The following UMAD1 variants were observed in gnomAD, a reference collection of about 807,000 sequenced individuals.
UMAD1 encodes UBAP1-MVB12-associated (UMA)-domain containing protein 1.
Under a neutral mutation model 6.1 loss-of-function variants are expected in UMAD1, and 8 were observed. The observed-to-expected ratio is 1.30, with a 90% CI of 0.76 to 2.35. The LOEUF (loss-of-function observed/expected upper bound fraction) is 2.35. Among genes scored for constraint, UMAD1 ranks in the 30% most tolerant of loss-of-function variants. The pLI is 0.00. For synonymous variants in UMAD1, 56 were observed against 31.4 expected (o/e 1.78, Z -2.61); for missense variants, 130 against 78.4 (o/e 1.66, Z -2.49).
intron 2 of UMAD1, among the ~76,000 whole-genome samples, chr7:7,691,228 G>A (rs1780165438): frequency 6.6e-6 from 1 of 152,138 alleles, no homozygotes; most frequent in African/African-American, 2.4e-5. Context: ...TTTCAAGCAA[G>A]TATTAGGCAG....
intron 2 of UMAD1, among the ~76,000 whole-genome samples, chr7:7,744,318 C>T (rs1201747500): frequency 6.6e-6 from 1 of 152,124 alleles, no homozygotes; most frequent in African/African-American, 2.4e-5. Context: ...TATCTATTCA[C>T]TGATTGATGG....
chr7:7,730,468 C>T (rs1228508744), intron 2 of UMAD1, among the ~76,000 whole-genome samples: 1 of 151,934 alleles, frequency 6.6e-6, no homozygotes, highest in Non-Finnish European at 1.5e-5. Flanking sequence ...GATCTTGTCT[C>T]ATCCAGTTCT....
intron 2 of UMAD1, among the ~76,000 whole-genome samples, chr7:7,798,381 A>G (rs1369185731): frequency 2.6e-5 from 4 of 152,220 alleles, no homozygotes; most frequent in Non-Finnish European, 5.9e-5. Context: ...GCTGTACTAT[A>G]AGGATAATTT....
At chr7:7,847,096 AAAAAAAAAATATATATATATATATAT>A (rs1783805936) in intron 3 of UMAD1, among the ~76,000 whole-genome samples, 1 of 50,038 alleles carries the variant, frequency 2.0e-5, no homozygotes, top group African/African-American at 1.4e-4. Context: ...GCAAAAAAAA[AAAAAAAAAATATATATATATATATAT>A]ATATATATAT....
intron 2 of UMAD1, chr7:7,687,470 G>T (rs4140805): frequency 0.57 from 87,259 of 152,056 alleles, 25,282 homozygotes; most frequent in East Asian, 0.8. Context: ...GATGTATGTT[G>T]TAGGCAAAGG....
chr7:7,728,489 C>A (rs140498712), intron 2 of UMAD1, among the ~76,000 whole-genome samples: 5,023 of 152,098 alleles, frequency 0.033, 279 homozygotes, highest in African/African-American at 0.12. Flanking sequence ...GCTAAAAATA[C>A]AAAAATCAGC....
At chr7:7,683,763 C>G (rs1167340073) in intron 2 of UMAD1, among the ~76,000 whole-genome samples, 1 of 152,112 alleles carries the variant, frequency 6.6e-6, no homozygotes, top group Non-Finnish European at 1.5e-5. Flanking sequence ...GCTGGGATTA[C>G]AGGCATGCAC....
At chr7:7,708,907 G>GTGTGTT (rs1297453041) in intron 2 of UMAD1, among the ~76,000 whole-genome samples, 1 of 151,960 alleles carries the variant, frequency 6.6e-6, no homozygotes, top group Non-Finnish European at 1.5e-5. Context: ...AGCAAGGGGT[G>GTGTGTT]TGTGTTTGTG....
intron 2 of UMAD1, among the ~76,000 whole-genome samples, chr7:7,726,460 A>G (rs889087827): frequency 7.9e-5 from 12 of 152,208 alleles, no homozygotes; most frequent in Admixed American, 6.5e-4. Context: ...TTACAACGCC[A>G]ATTAGGTGAC....
At chr7:7,827,135 ATATATATATATATGTG>A (rs1391976331) in intron 3 of UMAD1, among the ~76,000 whole-genome samples, 3 of 114,512 alleles carry the variant, frequency 2.6e-5, no homozygotes, top group East Asian at 2.7e-4. Context: ...ATATATATAT[ATATATATATATATGTG>A]TGTGTGTGTG....
chr7:7,770,584 G>A (rs540678543), intron 2 of UMAD1, among the ~76,000 whole-genome samples: 26 of 152,222 alleles, frequency 1.7e-4, no homozygotes, highest in African/African-American at 5.8e-4. Context: ...GGAGGGTGTC[G>A]AATTAAGGTG....
At chr7:7,808,481 G>A (rs961395001) in intron 3 of UMAD1, among the ~76,000 whole-genome samples, 2 of 151,884 alleles carry the variant, frequency 1.3e-5, no homozygotes, top group Non-Finnish European at 2.9e-5. Flanking sequence ...ATTTACCAGC[G>A]GACCTGTTCT....
chr7:7,659,290 A>C (rs1437056310), intron 1 of UMAD1, among the ~76,000 whole-genome samples: 1 of 151,348 alleles, frequency 6.6e-6, no homozygotes, highest in Non-Finnish European at 1.5e-5. Context: ...AGGGTTTTTC[A>C]TGTCTCTATC....
intron 1 of UMAD1, among the ~76,000 whole-genome samples, chr7:7,646,049 T>C (rs1032655218): frequency 6.6e-6 from 1 of 152,166 alleles, no homozygotes; most frequent in African/African-American, 2.4e-5. Context: ...GTGAGTGATT[T>C]GGGCCTCCAG....
chr7:7,822,170 A>T (rs138502453), intron 3 of UMAD1, among the ~76,000 whole-genome samples: 35 of 152,194 alleles, frequency 2.3e-4, no homozygotes, highest in African/African-American at 8.2e-4. Flanking sequence ...TTTATTTAAA[A>T]TTTTTGATGT....
chr7:7,704,598 G>GAAAA lies in UMAD1; in HGVS notation c.82+31162_82+31165dup, dbSNP rs35661728. On this transcript the variant is annotated intron_variant, in intron 2 of 3. Transcript: ENST00000682710. ...GTGAAACCCTGTCTCTACTAAAATA[G>GAAAA]AAAAAAAAAAAAAAAAAAAATTAGC... 5.7e-3 allele frequency among the ~76,000 whole-genome samples: 537 copies of GAAAA among 93,582 alleles called. 5 individuals carry two copies. Among genetic ancestry groups the GAAAA allele is most frequent in the African/African-American group, 0.02 (507 of 25,632 alleles). 61.4% of individuals were successfully genotyped at this position (93,582 alleles called of 152,430 possible).
chr7:7,715,896 T>A (rs911636808), intron 2 of UMAD1, among the ~76,000 whole-genome samples: 1 of 152,180 alleles, frequency 6.6e-6, no homozygotes, highest in Non-Finnish European at 1.5e-5. Context: ...TTTTAACCAT[T>A]TACTAAACTT....
chr7:7,779,457 G>A (rs1457508934), intron 2 of UMAD1, among the ~76,000 whole-genome samples: 1 of 151,916 alleles, frequency 6.6e-6, no homozygotes, highest in Non-Finnish European at 1.5e-5. Context: ...AGTTTCTACA[G>A]ATGGAGTCTC....
chr7:7,773,109 A>C (rs1376907610), intron 2 of UMAD1, among the ~76,000 whole-genome samples: 1 of 152,206 alleles, frequency 6.6e-6, no homozygotes, highest in Non-Finnish European at 1.5e-5. Context: ...TTTAAAGATG[A>C]TTTAGTTTGT....
Sources: allele counts gnomAD v4.1 joint callset (sites outside exome capture counted in the v4.1 genomes callset), GRCh38; gene constraint gnomAD v4.1.1; transcripts MANE v1.5; gene names NCBI Gene and HGNC (gene_info 2026-07-23, HGNC 2026-07-21).